Variants in TMTC1 observed in about 807,000 individuals in gnomAD.
The protein encoded by TMTC1 is transmembrane O-mannosyltransferase targeting cadherins 1.
Under a neutral mutation model 104.8 loss-of-function variants are expected in TMTC1, and 73 were observed. The observed-to-expected ratio is 0.70, with a 90% CI of 0.58 to 0.85. The LOEUF is 0.85. Among genes scored for constraint, TMTC1 ranks in the 40% least tolerant of loss-of-function variants. The pLI is 0.00. For synonymous variants in TMTC1, 434 were observed against 428.7 expected (o/e 1.01, Z -0.15); for missense variants, 1,035 against 1,096.1 (o/e 0.94, Z 0.79).
intron 5 of TMTC1, among the ~76,000 whole-genome samples, chr12:29,674,875 C>G (rs1275223990): frequency 6.6e-6 from 1 of 152,240 alleles, no homozygotes; most frequent in African/African-American, 2.4e-5. Flanking sequence ...CCAGCAGCAG[C>G]CCTGATCTAC....
At chr12:29,603,139 G>A (rs570262896) in intron 7 of TMTC1, among the ~76,000 whole-genome samples, 43 of 152,058 alleles carry the variant, frequency 2.8e-4, no homozygotes, top group African/African-American at 1.0e-3. Flanking sequence ...TCCCAAATTG[G>A]GCTGAAGACA....
Position 29,501,502 on chromosome 12 carries a change from G to C in TMTC1, c.*5344C>G, listed in dbSNP as rs938026036. On this transcript the variant is annotated 3_prime_UTR_variant, in exon 18 of 18. Transcript: ENST00000539277. ...AGGTGGCTCTTCAGTGGCAGAGCTA[G>C]AACTAGAACTAGAACTCAGATGTCT... is the stretch of plus-strand genomic sequence containing the variant. 6 of 152,104 alleles carry C rather than the reference G, an allele frequency of 3.9e-5. No individual in the cohort carries two copies. The highest frequency in any genetic ancestry group is 8.8e-5 in the Non-Finnish European group (6 of 68,022). 9.4% of individuals were successfully genotyped at this position (152,104 alleles called of 1,614,324 possible).
chr12:29,721,441 C>T (rs943327428), intron 5 of TMTC1, among the ~76,000 whole-genome samples: 9 of 152,100 alleles, frequency 5.9e-5, no homozygotes, highest in African/African-American at 2.2e-4. Flanking sequence ...CTATTTTACA[C>T]ACAATAAACT....
chr12:29,710,527 A>T lies in TMTC1; in HGVS notation c.938+41139T>A, dbSNP rs1003703916. On this transcript the variant is annotated intron_variant, in intron 5 of 17. Transcript: ENST00000539277. ...TTTTAAAGAAGGATATATATATATA[A>T]AATATATATATCCTTATATATAATA... 3.4e-5 allele frequency among the ~76,000 whole-genome samples: 5 copies of T among 146,176 alleles called. No individual in the cohort carries two copies. The South Asian group carries it at 6.3e-4, about 18-fold the overall frequency.
In TMTC1 at chr12:29,503,780, A is replaced by G. The variant is rs998935967; in HGVS notation, c.*3066T>C. On this transcript the variant is annotated 3_prime_UTR_variant, in exon 18 of 18. Coordinates refer to ENST00000539277, the MANE Select transcript of TMTC1 (RefSeq NM_001193451.2). ...GAAAGTGTGGACCTCTTGCTCAAAA[A>G]TTATTAATTATTAAGAATTTCAGTT... 6.6e-6 allele frequency: 1 copy of G among 152,174 alleles called. No homozygotes were observed. Among genetic ancestry groups the G allele is most frequent in the Non-Finnish European group, 1.5e-5 (1 of 68,048 alleles). 9.4% of individuals were successfully genotyped at this position (152,174 alleles called of 1,614,324 possible). A position where few individuals can be genotyped will look rare whatever the true frequency, so the allele number is the denominator to read the frequency against.
chr12:29,571,056 G>C (rs541759779), intron 9 of TMTC1, among the ~76,000 whole-genome samples: 5 of 152,240 alleles, frequency 3.3e-5, no homozygotes, highest in African/African-American at 9.6e-5. Context: ...AATCCTAGTA[G>C]ACACTTTAAT....
chr12:29,606,977 C>T lies in TMTC1; in HGVS notation c.1129-2678G>A, dbSNP rs577840189. Among the ~76,000 whole-genome samples the T allele has an allele frequency of 2.6e-5, 4 of 152,082 alleles. No individual in the cohort carries two copies. The South Asian group carries it at 6.2e-4, about 24-fold the overall frequency. ...GGGAGCACAGCCAACCTTCCTGCCC[C>T]CCCCCCTCACTCACGGACACCCGTA... On this transcript the variant is annotated intron_variant, in intron 6 of 17. Transcript: ENST00000539277.
chr12:29,706,879 T>G (rs9669642), intron 5 of TMTC1, among the ~76,000 whole-genome samples: 34,703 of 151,972 alleles, frequency 0.23, 4,537 homozygotes, highest in Admixed American at 0.3. Context: ...GAGAAAAGAA[T>G]GAGGTAAAAT....
intron 11 of TMTC1, among the ~76,000 whole-genome samples, chr12:29,522,553 AAT>A (rs1491120960): frequency 4.2e-5 from 4 of 95,954 alleles, no homozygotes; most frequent in Non-Finnish European, 9.1e-5. Context: ...AAGGACTGAC[AAT>A]GTGTGTGTGT....
At chr12:29,733,660 T>TCA (rs1942601025) in intron 5 of TMTC1, among the ~76,000 whole-genome samples, 1 of 152,180 alleles carries the variant, frequency 6.6e-6, no homozygotes, top group South Asian at 2.1e-4. Flanking sequence ...TTCTGCCTTG[T>TCA]CACTCTCCTA....
chr12:29,682,886 C>G (rs1280614452), intron 5 of TMTC1, among the ~76,000 whole-genome samples: 1 of 152,114 alleles, frequency 6.6e-6, no homozygotes, highest in East Asian at 1.9e-4. Flanking sequence ...GAACTATACA[C>G]ACATATTGCA....
chr12:29,610,929 T>C (rs950701641), intron 6 of TMTC1, among the ~76,000 whole-genome samples: 2 of 152,142 alleles, frequency 1.3e-5, no homozygotes, highest in Non-Finnish European at 1.5e-5. Flanking sequence ...AATTTACTCA[T>C]AAATGCACAG....
intron 10 of TMTC1, among the ~76,000 whole-genome samples, chr12:29,549,691 A>G (rs138024421): frequency 2.0e-5 from 3 of 152,296 alleles, no homozygotes; most frequent in African/African-American, 7.2e-5. Flanking sequence ...GGAAACTGTA[A>G]TATTTCACCT....
At chr12:29,516,514 G>A in intron 14 of TMTC1, 28 bp from the exon 15 acceptor site, 1 of 1,602,850 alleles carries the variant, frequency 6.2e-7, no homozygotes, top group Non-Finnish European at 8.5e-7. Flanking sequence ...CCTTGGCTTA[G>A]CAGAGACTTC....
chr12:29,597,492 G>A (rs1417547721), intron 7 of TMTC1, among the ~76,000 whole-genome samples: 1 of 151,698 alleles, frequency 6.6e-6, no homozygotes, highest in Non-Finnish European at 1.5e-5. Context: ...CCACTGTCGG[G>A]CCCTCCAGAG....
chr12:29,732,502 G>C (rs1455925620), intron 5 of TMTC1, among the ~76,000 whole-genome samples: 1 of 152,156 alleles, frequency 6.6e-6, no homozygotes, highest in Non-Finnish European at 1.5e-5. Context: ...ATGGTTCAGA[G>C]ATTGCCTTAA....
chr12:29,562,302 G>T (rs1430795942), intron 9 of TMTC1, among the ~76,000 whole-genome samples: 2 of 152,150 alleles, frequency 1.3e-5, no homozygotes, highest in Non-Finnish European at 2.9e-5. Context: ...TTCAAGAGGG[G>T]CCAGCTAAAT....
At chr12:29,563,157 C>T (rs1379839113) in intron 9 of TMTC1, among the ~76,000 whole-genome samples, 1 of 152,214 alleles carries the variant, frequency 6.6e-6, no homozygotes, top group East Asian at 1.9e-4. Flanking sequence ...CCTCCAAAGC[C>T]TGTCAATCCT....
At chr12:29,760,340 T>C (rs1943315733) in intron 2 of TMTC1, among the ~76,000 whole-genome samples, 1 of 152,092 alleles carries the variant, frequency 6.6e-6, no homozygotes, top group Non-Finnish European at 1.5e-5. Flanking sequence ...TTAATGAATG[T>C]GGAGGGAGCA....
Sources: gnomAD v4.1 joint callset for allele counts (sites outside exome capture counted in the v4.1 genomes callset) on GRCh38, gnomAD v4.1.1 for gene constraint, MANE v1.5 for transcripts, NCBI Gene and HGNC (gene_info 2026-07-23, HGNC 2026-07-21) for gene names.